Variants in RARG observed in about 807,000 individuals in gnomAD.
The protein encoded by RARG is RAR-gamma.
RARG carries 17 observed loss-of-function variants against 43.7 expected under a neutral mutation model. That is an observed-to-expected ratio of 0.39 (90% CI 0.27 to 0.58). The LOEUF is 0.58. Among genes scored for constraint, RARG ranks in the 20% least tolerant of loss-of-function variants. The probability of loss-of-function intolerance (pLI) is 0.57; values close to 1 mark genes in which losing one functional copy is unlikely to be tolerated. For missense variants in RARG, 346 were observed against 598.7 expected (o/e 0.58, Z 4.40); for synonymous variants, 238 against 236.4 (o/e 1.01, Z -0.06).
chr12:53,214,862 C>A, intron 5 of RARG: 1 of 461,602 alleles, frequency 2.2e-6, no homozygotes, highest in East Asian at 3.4e-5. Context: ...TGTCACCCTG[C>A]AGGAGCTGGG....
chr12:53,211,462 A>G lies in RARG; in HGVS notation c.*214T>C. ...CTTTGCCCTCTCTCCTGGTGGGAGC[A>G]GGGCAGGCCCCCGGGACTGGCGAGG... On this transcript the variant is annotated 3_prime_UTR_variant, in exon 10 of 10. Coordinates refer to ENST00000425354, the MANE Select transcript of RARG (RefSeq NM_000966.6). The surrounding 1 kb of genome is among the most constrained non-coding windows in gnomAD (Gnocchi z 4.6). 2.3e-6 allele frequency: 1 copy of G among 433,640 alleles called. No individual in the cohort carries two copies. The highest frequency in any genetic ancestry group is 4.0e-6 in the Non-Finnish European group (1 of 248,626). 26.9% of individuals were successfully genotyped at this position (433,640 alleles called of 1,614,324 possible).
In RARG at chr12:53,211,706, C is replaced by A; in HGVS notation, c.1335G>T (p.Gln445His). Residue 445 changes from glutamine to histidine, a missense_variant, in exon 10 of 10, where the codon CAG becomes CAT. Gln to His is a conservative substitution (Grantham distance 24). Around this residue, in one of 8 missense-constraint regions of RARG, gnomAD observed 40 missense variants for 44.6 expected, o/e 0.90. Transcript: ENST00000425354. This position sits in a 1 kb window ranked among gnomAD's most constrained non-coding sequence, Gnocchi z 4.6. ...ASSEDEVPGGQGKGGLKSPA is the reference protein window; with the variant it reads ...ASSEDEVPGGHGKGGLKSPA Reference sequence around the variant, plus strand: ...CTGGGGACTTCAGGCCCCCTTTGCCCTGGCCCCCAGGAACCTCATCCTCGC... The same window carrying A: ...CTGGGGACTTCAGGCCCCCTTTGCCATGGCCCCCAGGAACCTCATCCTCGC... 6.4e-7 allele frequency: 1 copy of A among 1,556,358 alleles called. No individual in the cohort carries two copies.
chr12:53,211,954 C>G lies in RARG; in HGVS notation c.1178-91G>C. Reference sequence around the variant, plus strand: ...CCTAACCTTTCTCAACTGCCCCTGACTCCCCTAGGGGGCGCCCAGCACAGG... The same window carrying G: ...CCTAACCTTTCTCAACTGCCCCTGAGTCCCCTAGGGGGCGCCCAGCACAGG... On this transcript the variant is annotated intron_variant, in intron 9 of 9. Coordinates refer to ENST00000425354, the MANE Select transcript of RARG (RefSeq NM_000966.6). This position sits in a 1 kb window ranked among gnomAD's most constrained non-coding sequence, Gnocchi z 4.6. The G allele has an allele frequency of 3.7e-6, 4 of 1,078,674 alleles. No homozygotes were observed. Among genetic ancestry groups the G allele is most frequent in the South Asian group, 2.7e-5 (1 of 37,546 alleles). 66.8% of individuals were successfully genotyped at this position (1,078,674 alleles called of 1,614,324 possible).
rs899963501 is a variant in RARG at position 53,211,968 on chromosome 12, G to A, written c.1178-105C>T. On this transcript the variant is annotated intron_variant, in intron 9 of 9. Coordinates refer to ENST00000425354, the MANE Select transcript of RARG (RefSeq NM_000966.6). The surrounding 1 kb of genome is among the most constrained non-coding windows in gnomAD (Gnocchi z 4.6). ...ACTGCCCCTGACTCCCCTAGGGGGC[G>A]CCCAGCACAGGCCCACCACCTCTCC... 18 of 848,054 alleles carry A rather than the reference G, an allele frequency of 2.1e-5. No individual in the cohort carries two copies. The highest frequency in any genetic ancestry group is 7.4e-5 in the South Asian group (2 of 26,892). 52.5% of individuals were successfully genotyped at this position (848,054 alleles called of 1,614,324 possible). A position where few individuals can be genotyped will look rare whatever the true frequency, so the allele number is the denominator to read the frequency against.
chr12:53,219,393 G>T (rs1446663014), intron 3 of RARG, among the ~76,000 whole-genome samples: 1 of 151,954 alleles, frequency 6.6e-6, no homozygotes, highest in Non-Finnish European at 1.5e-5. Context: ...TTCCAAAACC[G>T]CCCCCGCAGC....
Position 53,213,970 on chromosome 12 carries a change from G to T in RARG, c.813+89C>A. On this transcript the variant is annotated intron_variant, in intron 7 of 9. Coordinates refer to ENST00000425354, the MANE Select transcript of RARG (RefSeq NM_000966.6). This position sits in a 1 kb window ranked among gnomAD's most constrained non-coding sequence, Gnocchi z 4.7. ...TCCCACATGTGTGGCAGGGGGTGCA[G>T]GGTAAGGAAATCTTTGCATGGATCA... is the stretch of plus-strand genomic sequence containing the variant. 2 of 1,431,466 alleles carry T rather than the reference G, an allele frequency of 1.4e-6. No homozygotes were observed. Among genetic ancestry groups the T allele is most frequent in the Non-Finnish European group, 1.9e-6 (2 of 1,043,854 alleles). 88.7% of individuals were successfully genotyped at this position (1,431,466 alleles called of 1,614,324 possible).
chr12:53,213,362 G>A lies in RARG; in HGVS notation c.1019-119C>T. On this transcript the variant is annotated intron_variant, in intron 8 of 9. Transcript: ENST00000425354. The surrounding 1 kb of genome is among the most constrained non-coding windows in gnomAD (Gnocchi z 4.7). Reference sequence around the variant, plus strand: ...CCTGTACAGGGTTTCAGAACTCTCTGGATGGGGCCAGGTGCAAGAATTACC... The same window carrying A: ...CCTGTACAGGGTTTCAGAACTCTCTAGATGGGGCCAGGTGCAAGAATTACC... 1 of 1,479,564 alleles carries A rather than the reference G, an allele frequency of 6.8e-7. No homozygotes were observed. Among genetic ancestry groups the A allele is most frequent in the Non-Finnish European group, 9.3e-7 (1 of 1,073,154 alleles). 91.7% of individuals were successfully genotyped at this position (1,479,564 alleles called of 1,614,324 possible).
Position 53,211,489 on chromosome 12 carries a change from A to T in RARG, c.*187T>A. On this transcript the variant is annotated 3_prime_UTR_variant, in exon 10 of 10. Coordinates refer to ENST00000425354, the MANE Select transcript of RARG (RefSeq NM_000966.6). This position sits in a 1 kb window ranked among gnomAD's most constrained non-coding sequence, Gnocchi z 4.6. The stretch of plus-strand genomic sequence containing the variant: ...GGCAGGCCCCCGGGACTGGCGAGGG[A>T]GCCGGTTAGATCAGGAAGGGGATGA... 2.0e-6 allele frequency: 1 copy of T among 499,970 alleles called. No homozygotes were observed. Among genetic ancestry groups the T allele is most frequent in the East Asian group, 3.5e-5 (1 of 28,178 alleles). 31.0% of individuals were successfully genotyped at this position (499,970 alleles called of 1,614,324 possible).
Position 53,213,998 on chromosome 12 carries a change from G to A in RARG, c.813+61C>T. On this transcript the variant is annotated intron_variant, in intron 7 of 9. Transcript: ENST00000425354. The surrounding 1 kb of genome is among the most constrained non-coding windows in gnomAD (Gnocchi z 4.7). ...TAAGGAAATCTTTGCATGGATCAAG[G>A]AATTGTTGAGGGTCCCATATGTGGG... is the stretch of plus-strand genomic sequence containing the variant. 1 of 1,529,344 alleles carries A rather than the reference G, an allele frequency of 6.5e-7. No homozygotes were observed. The highest frequency in any genetic ancestry group is 8.9e-7 in the Non-Finnish European group (1 of 1,119,730). 94.7% of individuals were successfully genotyped at this position (1,529,344 alleles called of 1,614,324 possible). A position where few individuals can be genotyped will look rare whatever the true frequency, so the allele number is the denominator to read the frequency against.
intron 1 of RARG, 146 bp downstream of exon 1, chr12:53,231,828 A>G: frequency 2.7e-6 from 1 of 375,416 alleles, no homozygotes; most frequent in Non-Finnish European, 4.7e-6. Flanking sequence ...GGTCGGGGCA[A>G]GAAGCCCCCC....
At chr12:53,230,575 G>A (rs1943208767) in intron 2 of RARG, among the ~76,000 whole-genome samples, 1 of 152,076 alleles carries the variant, frequency 6.6e-6, no homozygotes, top group Non-Finnish European at 1.5e-5. Flanking sequence ...GCCATCCCTG[G>A]GGGAGTCCAG....
intron 3 of RARG, among the ~76,000 whole-genome samples, chr12:53,219,489 C>T (rs1457121440): frequency 6.6e-6 from 1 of 152,210 alleles, no homozygotes; most frequent in Non-Finnish European, 1.5e-5. Flanking sequence ...GCAGGCGACA[C>T]TGGTGGAGAG....
chr12:53,216,964 A>G (rs1942789651), intron 3 of RARG, among the ~76,000 whole-genome samples: 1 of 152,048 alleles, frequency 6.6e-6, no homozygotes, highest in Non-Finnish European at 1.5e-5. Flanking sequence ...AAAATTCCTA[A>G]GACCCTCCCT....
chr12:53,216,853 CGCGCGCGCGT>C (rs1032277967), intron 3 of RARG, among the ~76,000 whole-genome samples: 13 of 117,888 alleles, frequency 1.1e-4, no homozygotes, highest in Non-Finnish European at 1.9e-4. Flanking sequence ...CGCGCGCGCG[CGCGCGCGCGT>C]GTGGTTGGTC....
chr12:53,214,216 C>T lies in RARG; in HGVS notation c.656G>A (p.Arg219His). 4 of 1,613,528 alleles carry T rather than the reference C, an allele frequency of 2.5e-6. No individual in the cohort carries two copies. Among genetic ancestry groups the T allele is most frequent in the Non-Finnish European group, 3.4e-6 (4 of 1,179,488 alleles). The change falls in exon 7 of 10, where the codon CGC becomes CAC. Residue 219 changes from arginine (R) to histidine (H), a missense_variant. By Grantham distance (29) the Arg-to-His change is conservative. Transcript: ENST00000425354. Reference protein sequence around the residue: ...KYTTNSSADHRVQLDLGLWDK... With the variant: ...KYTTNSSADHHVQLDLGLWDK... ...CCACAGCCCCAGATCCAGCTGCACGCGGTGGTCTGCACTGGAGTTCTGCAG... is the reference window on the plus strand; with the variant it reads ...CCACAGCCCCAGATCCAGCTGCACGTGGTGGTCTGCACTGGAGTTCTGCAG...
rs1268191611 is a variant in RARG at position 53,232,031 on chromosome 12, C to G, written c.-267G>C. 1.0e-5 allele frequency: 4 copies of G among 398,280 alleles called. No individual in the cohort carries two copies. Among genetic ancestry groups the G allele is most frequent in the Admixed American group, 4.4e-5 (1 of 22,708 alleles). 24.7% of individuals were successfully genotyped at this position (398,280 alleles called of 1,614,324 possible). A position where few individuals can be genotyped will look rare whatever the true frequency, so the allele number is the denominator to read the frequency against. On this transcript the variant is annotated 5_prime_UTR_variant, in exon 1 of 10. Transcript: ENST00000425354. ...CCCCGAGGTCCCGGCGTCGGGCAGTCTCTTGGATGGAGCGTCGCAATGTCC... is the reference window on the plus strand; with the variant it reads ...CCCCGAGGTCCCGGCGTCGGGCAGTGTCTTGGATGGAGCGTCGCAATGTCC...
At position 53,227,702 on chromosome 12, in the gene RARG, A is replaced by G; in HGVS notation, c.-142-15T>C. 2 of 1,259,574 alleles carry G rather than the reference A, an allele frequency of 1.6e-6. No homozygotes were observed. The highest frequency in any genetic ancestry group is 2.0e-6 in the Non-Finnish European group (2 of 981,590). The allele number at this position is 1,259,574 out of a possible 1,614,324, so 78.0% of individuals were successfully genotyped here. On this transcript the variant is annotated splice_polypyrimidine_tract_variant and intron_variant, in intron 2 of 9. Coordinates refer to ENST00000425354, the MANE Select transcript of RARG (RefSeq NM_000966.6). The surrounding 1 kb of genome is among the most constrained non-coding windows in gnomAD (Gnocchi z 4.3). ...CTCCAAAAGTCCTAGGGAGAAAGAG[A>G]GAGAAAGGAGAGATGAGAGAATGAC...
chr12:53,213,756 G>C lies in RARG; in HGVS notation c.814-56C>G. The C allele has an allele frequency of 6.7e-7, 1 of 1,502,210 alleles. No individual in the cohort carries two copies. The highest frequency in any genetic ancestry group is 9.2e-7 in the Non-Finnish European group (1 of 1,087,890). The allele number at this position is 1,502,210 out of a possible 1,614,324, so 93.1% of individuals were successfully genotyped here. A position where few individuals can be genotyped will look rare whatever the true frequency, so the allele number is the denominator to read the frequency against. ...CTGTTTCTGGGGGATGGGGAAAAGAGGGAATGAGTGGAAAGTGAGGAGGTT... is the reference window on the plus strand; with the variant it reads ...CTGTTTCTGGGGGATGGGGAAAAGACGGAATGAGTGGAAAGTGAGGAGGTT... On this transcript the variant is annotated intron_variant, in intron 7 of 9. Coordinates refer to ENST00000425354, the MANE Select transcript of RARG (RefSeq NM_000966.6). The surrounding 1 kb of genome is among the most constrained non-coding windows in gnomAD (Gnocchi z 4.7).
chr12:53,222,258 GA>G (rs1565727663), intron 3 of RARG, among the ~76,000 whole-genome samples: 3 of 116,026 alleles, frequency 2.6e-5, no homozygotes, highest in East Asian at 2.7e-4. Context: ...GAGAAAGAAA[GA>G]AGAAAGAAAA....
Sources: gnomAD v4.1 joint callset for allele counts (sites outside exome capture counted in the v4.1 genomes callset) on GRCh38, gnomAD v4.1.1 for gene constraint, gnomAD v4.1.1 regional missense constraint, Gnocchi (gnomAD v3.1) non-coding constraint, MANE v1.5 for transcripts, NCBI Gene and HGNC (gene_info 2026-07-23, HGNC 2026-07-21) for gene names.